Variants in RTL4 observed in about 807,000 individuals in gnomAD.
The protein encoded by RTL4 is retrotransposon Gag like 4.
In RTL4, 4 loss-of-function variants were observed where a neutral mutation model predicts 5.3. That is an observed-to-expected ratio of 0.75 (90% CI 0.37 to 1.72). The LOEUF is 1.72. Among genes scored for constraint, RTL4 ranks in the 40% most tolerant of loss-of-function variants. The probability of loss-of-function intolerance (pLI) is 0.04; values close to 1 mark genes in which losing one functional copy is unlikely to be tolerated. For missense variants in RTL4, 260 were observed against 227.1 expected (o/e 1.14, Z -0.93); for synonymous variants, 98 against 87.3 (o/e 1.12, Z -0.68).
chrX:112,179,980 A>G, the RTL4 span, among the ~76,000 whole-genome samples: 1 of 111,337 alleles, frequency 9.0e-6, no homozygotes, highest in African/African-American at 3.3e-5. Flanking sequence ...TATTGATCAG[A>G]GTCCTAAAGG....
the RTL4 span, among the ~76,000 whole-genome samples, chrX:112,229,674 A>G: frequency 8.9e-6 from 1 of 112,164 alleles, no homozygotes; most frequent in Admixed American, 9.4e-5. Context: ...ATCACAAAAA[A>G]TCTCATAATT....
At chrX:112,209,015 A>G in the RTL4 span, among the ~76,000 whole-genome samples, 2 of 112,208 alleles carry the variant, frequency 1.8e-5, no homozygotes, top group Non-Finnish European at 3.8e-5. Flanking sequence ...CTTAACCTCC[A>G]TCCCTGCCAC....
the RTL4 span, among the ~76,000 whole-genome samples, chrX:112,169,333 C>T: frequency 1.6e-4 from 18 of 109,190 alleles, no homozygotes; most frequent in African/African-American, 4.3e-4. Flanking sequence ...AGGGTGGTCT[C>T]GAACTCCTGA....
At chrX:112,449,073 G>A in the RTL4 span, among the ~76,000 whole-genome samples, 1 of 112,074 alleles carries the variant, frequency 8.9e-6, no homozygotes, top group Admixed American at 9.5e-5. Context: ...AGCTGAGCCA[G>A]AAGGAAGATT....
the RTL4 span, among the ~76,000 whole-genome samples, chrX:112,386,672 C>T: frequency 1.3e-4 from 14 of 111,913 alleles, no homozygotes; most frequent in African/African-American, 3.2e-4. Context: ...CAGGTTGCTG[C>T]GAATGCCATT....
At chrX:112,448,739 A>C in the RTL4 span, among the ~76,000 whole-genome samples, 4 of 111,708 alleles carry the variant, frequency 3.6e-5, no homozygotes, top group Non-Finnish European at 7.5e-5. Flanking sequence ...CTCTGAGAAC[A>C]ATGAGAGTCC....
At chrX:112,391,223 T>G in the RTL4 span, among the ~76,000 whole-genome samples, 1 of 112,092 alleles carries the variant, frequency 8.9e-6, no homozygotes. Context: ...ATTGTTTTAT[T>G]GTGATTCTTA....
the RTL4 span, among the ~76,000 whole-genome samples, chrX:112,313,607 CCTCTCTCTCTCT>C: frequency 3.2e-4 from 32 of 101,243 alleles, no homozygotes; most frequent in African/African-American, 8.6e-4. Flanking sequence ...TGCTTCAGAA[CCTCTCTCTCTCT>C]CTCTCTCTCT....
the RTL4 span, among the ~76,000 whole-genome samples, chrX:112,419,552 G>T: frequency 1.5e-4 from 1 of 6,820 alleles, no homozygotes; most frequent in Non-Finnish European, 1.2e-3. Flanking sequence ...TAGAGGCAGG[G>T]TTTCACTATG....
chrX:112,210,676 T>C, the RTL4 span, among the ~76,000 whole-genome samples: 1 of 112,176 alleles, frequency 8.9e-6, no homozygotes, highest in Non-Finnish European at 1.9e-5. Context: ...AACCAGTTAA[T>C]CTAGTCAGTT....
At chrX:112,083,136 C>G in the RTL4 span, among the ~76,000 whole-genome samples, 4 of 111,860 alleles carry the variant, frequency 3.6e-5, no homozygotes, top group African/African-American at 1.3e-4. Context: ...TTTTCTGTCT[C>G]GTTTGTTTGC....
the RTL4 span, among the ~76,000 whole-genome samples, chrX:112,309,857 CACACATATATACAT>C: frequency 1.0e-5 from 1 of 99,344 alleles, no homozygotes; most frequent in Non-Finnish European, 1.9e-5. Context: ...CATATATACA[CACACATATATACAT>C]ACATATATAT....
chrX:112,309,717 G>A, the RTL4 span, among the ~76,000 whole-genome samples: 1 of 108,446 alleles, frequency 9.2e-6, no homozygotes, highest in Admixed American at 1.0e-4. Flanking sequence ...CTGACCTCAA[G>A]CGATTCACCT....
chrX:112,365,176 G>A, the RTL4 span, among the ~76,000 whole-genome samples: 1 of 110,932 alleles, frequency 9.0e-6, no homozygotes, highest in East Asian at 2.9e-4. Flanking sequence ...ACATGGTGGG[G>A]GTGGAAAGAG....
chrX:112,222,465 C>T, the RTL4 span, among the ~76,000 whole-genome samples: 1 of 111,414 alleles, frequency 9.0e-6, no homozygotes, highest in East Asian at 2.8e-4. Context: ...TGCCTGTAAT[C>T]CACAAATCTT....
At chrX:112,179,809 T>A in the RTL4 span, among the ~76,000 whole-genome samples, 2,470 of 111,640 alleles carry the variant, frequency 0.022, 66 homozygotes, top group African/African-American at 0.076. Flanking sequence ...CATTTAAAAA[T>A]CAAGGAAAGG....
the RTL4 span, among the ~76,000 whole-genome samples, chrX:112,402,998 G>A: frequency 1.8e-5 from 2 of 111,768 alleles, no homozygotes; most frequent in Admixed American, 9.5e-5. Context: ...TTAGTATGCG[G>A]TATGAATAGT....
the RTL4 span, among the ~76,000 whole-genome samples, chrX:112,304,847 C>T: frequency 2.7e-5 from 3 of 109,267 alleles, no homozygotes; most frequent in African/African-American, 1.0e-4. Context: ...TTCCTCCCAT[C>T]CCACTCCTGC....
exon 1 of RTL4, chrX:112,455,178 T>C: frequency 8.3e-7 from 1 of 1,211,597 alleles, no homozygotes; most frequent in Non-Finnish European, 1.1e-6. Context: ...TGATGAATGC[T>C]AAGTTTGACA....
Sources: gnomAD v4.1 joint callset for allele counts (sites outside exome capture counted in the v4.1 genomes callset) on GRCh38, gnomAD v4.1.1 for gene constraint, MANE v1.5 for transcripts, NCBI Gene and HGNC (gene_info 2026-07-23, HGNC 2026-07-21) for gene names.